The following TRPS1 variants were observed in gnomAD, a reference collection of about 807,000 sequenced individuals.
TRPS1 encodes zinc finger transcription factor Trps1.
TRPS1 carries 6 observed loss-of-function variants against 101.2 expected under a neutral mutation model. The ratio of observed to expected loss-of-function variants is 0.06; its 90% CI spans 0.03 to 0.12. TRPS1 has a LOEUF of 0.12. Among genes scored for constraint, TRPS1 ranks in the 10% least tolerant of loss-of-function variants. The pLI is 1.00. For missense variants in TRPS1, 1,363 were observed against 1,567.0 expected (o/e 0.87, Z 2.20); for synonymous variants, 578 against 589.8 (o/e 0.98, Z 0.29).
At chr8:115,442,401 T>G (rs1352498488) in intron 5 of TRPS1, among the ~76,000 whole-genome samples, 2 of 152,100 alleles carry the variant, frequency 1.3e-5, no homozygotes, top group South Asian at 2.1e-4. Context: ...GAAACTGCAG[T>G]GAGGTTGATA....
intron 5 of TRPS1, among the ~76,000 whole-genome samples, chr8:115,500,790 G>A (rs1815298191): frequency 6.6e-6 from 1 of 151,950 alleles, no homozygotes; most frequent in South Asian, 2.1e-4. Flanking sequence ...TAGCCAGATG[G>A]TCTCGATCTC....
Position 115,587,629 on chromosome 8 carries a change from G to A in TRPS1, c.2097-25C>T. ...CCTGGAGAAGAAGAAAACAGTTACT[G>A]CAAAGACAGCGTTCTGAAGGGTTGT... On this transcript the variant is annotated intron_variant, in intron 4 of 6. Coordinates refer to ENST00000395715, the MANE Select transcript of TRPS1 (RefSeq NM_014112.5). 3 of 1,613,644 alleles carry A rather than the reference G, an allele frequency of 1.9e-6. No homozygotes were observed. The South Asian group carries it at 3.3e-5, about 18-fold the overall frequency.
At chr8:115,661,739 A>G (rs1229165886) in intron 1 of TRPS1, 1 of 149,252 alleles carries the variant, frequency 6.7e-6, no homozygotes, top group African/African-American at 2.5e-5. Context: ...GCATATGCGC[A>G]ATTGATGGAT....
chr8:115,542,972 T>C (rs1816488316), intron 5 of TRPS1, among the ~76,000 whole-genome samples: 1 of 152,166 alleles, frequency 6.6e-6, no homozygotes, highest in Non-Finnish European at 1.5e-5. Flanking sequence ...TCACATTTTC[T>C]CTTTTATACT....
chr8:115,647,626 A>C (rs1288553510), intron 1 of TRPS1, among the ~76,000 whole-genome samples: 1 of 152,182 alleles, frequency 6.6e-6, no homozygotes, highest in East Asian at 1.9e-4. Flanking sequence ...TGTGTAAGTA[A>C]ATATACTTCA....
chr8:115,446,179 A>T (rs1056016472), intron 5 of TRPS1, among the ~76,000 whole-genome samples: 1 of 152,146 alleles, frequency 6.6e-6, no homozygotes, highest in Non-Finnish European at 1.5e-5. Flanking sequence ...AAATGTAAGG[A>T]TGTTTCCAGC....
rs1012627628 is a variant in TRPS1, at chr8:115,412,927, G to C, written c.*1096C>G. 6.6e-6 allele frequency: 1 copy of C among 152,456 alleles called. No individual in the cohort carries two copies. Among genetic ancestry groups the C allele is most frequent in the African/African-American group, 2.4e-5 (1 of 41,406 alleles). The allele number at this position is 152,456 out of a possible 1,614,324, so 9.4% of individuals were successfully genotyped here. ...CTGTATACATTTAATGAAGGGATTGGCTGGTACATATACCAACTGTCAGTC... is the reference window on the plus strand; with the variant it reads ...CTGTATACATTTAATGAAGGGATTGCCTGGTACATATACCAACTGTCAGTC... On this transcript the variant is annotated 3_prime_UTR_variant, in exon 7 of 7. Transcript: ENST00000395715.
intron 5 of TRPS1, among the ~76,000 whole-genome samples, chr8:115,474,489 A>G (rs1294413241): frequency 6.6e-6 from 1 of 152,162 alleles, no homozygotes; most frequent in East Asian, 1.9e-4. Flanking sequence ...ACTATTATAG[A>G]ACTGGGTTAT....
At chr8:115,488,033 T>C (rs1261078423) in intron 5 of TRPS1, among the ~76,000 whole-genome samples, 1 of 152,114 alleles carries the variant, frequency 6.6e-6, no homozygotes, top group Non-Finnish European at 1.5e-5. Flanking sequence ...GACTTCACTG[T>C]TGTCTTATTT....
chr8:115,492,498 CGTGT>C (rs1230604765), intron 5 of TRPS1, among the ~76,000 whole-genome samples: 1 of 141,580 alleles, frequency 7.1e-6, no homozygotes, highest in African/African-American at 2.5e-5. Flanking sequence ...TGTGCGTGTT[CGTGT>C]GTGTGTGTAT....
At position 115,604,988 on chromosome 8, in the gene TRPS1, T is replaced by G; in HGVS notation, c.981A>C (p.Gly327=). 6 of 1,613,584 alleles carry G rather than the reference T, an allele frequency of 3.7e-6. No homozygotes were observed. The highest frequency in any genetic ancestry group is 5.1e-6 in the Non-Finnish European group (6 of 1,179,902). Residue 327 remains glycine, a synonymous_variant, in exon 4 of 7, where the codon GGA becomes GGC. Coordinates refer to ENST00000395715, the MANE Select transcript of TRPS1 (RefSeq NM_014112.5). This position sits in a 1 kb window ranked among gnomAD's most constrained non-coding sequence, Gnocchi z 4.1. The part of the protein sequence containing the change: ...GTYDVQVTSG[G]TFIGIGRKTP... ...TTTTCCGTCCAATGCCAATGAATGT[T>G]CCACCTGAAGTCACCTGGAGAACAG...
intron 1 of TRPS1, among the ~76,000 whole-genome samples, chr8:115,629,135 G>A (rs551846684): frequency 1.2e-3 from 178 of 151,552 alleles, no homozygotes; most frequent in African/African-American, 4.0e-3. Flanking sequence ...TAAAGCACGC[G>A]TAGTTAAGGA....
At chr8:115,425,608 T>C (rs551056307) in intron 5 of TRPS1, among the ~76,000 whole-genome samples, 4 of 152,356 alleles carry the variant, frequency 2.6e-5, no homozygotes. Context: ...GCTGCTGTGC[T>C]AAACACATTA....
intron 5 of TRPS1, among the ~76,000 whole-genome samples, chr8:115,561,044 A>ATG (rs1816934107): frequency 6.6e-6 from 1 of 152,160 alleles, no homozygotes; most frequent in Non-Finnish European, 1.5e-5. Flanking sequence ...ATTAACATTA[A>ATG]TCATGGACTG....
At chr8:115,495,700 T>A (rs1409681002) in intron 5 of TRPS1, among the ~76,000 whole-genome samples, 2 of 149,250 alleles carry the variant, frequency 1.3e-5, no homozygotes, top group Non-Finnish European at 3.0e-5. Flanking sequence ...AAAAAAAAAA[T>A]GAAATCAAAG....
intron 5 of TRPS1, among the ~76,000 whole-genome samples, chr8:115,507,334 G>T (rs990562867): frequency 2.6e-5 from 4 of 151,942 alleles, no homozygotes; most frequent in African/African-American, 9.7e-5. Context: ...AACCATTCAG[G>T]GTCCCCAAAC....
intron 3 of TRPS1, among the ~76,000 whole-genome samples, chr8:115,617,052 G>A (rs1818291326): frequency 6.6e-6 from 1 of 152,124 alleles, no homozygotes; most frequent in Non-Finnish European, 1.5e-5. Context: ...ATTAGCATTC[G>A]ATCTACAAGT....
chr8:115,480,667 G>C (rs374353935), intron 5 of TRPS1, among the ~76,000 whole-genome samples: 25 of 152,014 alleles, frequency 1.6e-4, no homozygotes, highest in African/African-American at 5.5e-4. Flanking sequence ...ATTATATTCA[G>C]GGCCATTTTT....
rs573927770 is a variant in TRPS1, at chr8:115,435,770, C to T, written c.2701-17318G>A. Among the ~76,000 whole-genome samples the T allele has an allele frequency of 8.9e-4, 136 of 152,104 alleles. 2 individuals carry two copies. The highest frequency in any genetic ancestry group is 3.2e-3 in the Middle Eastern group (1 of 316). Reference sequence around the variant, plus strand: ...CTCAGGTGGTGGTTTTGAAAATCTACACTCACTTGATATAAGTTCTGGTAT... The same window carrying T: ...CTCAGGTGGTGGTTTTGAAAATCTATACTCACTTGATATAAGTTCTGGTAT... On this transcript the variant is annotated intron_variant, in intron 5 of 6. Transcript: ENST00000395715.
Sources: gnomAD v4.1 joint callset for allele counts (sites outside exome capture counted in the v4.1 genomes callset) on GRCh38, gnomAD v4.1.1 for gene constraint, Gnocchi (gnomAD v3.1) non-coding constraint, MANE v1.5 for transcripts, NCBI Gene and HGNC (gene_info 2026-07-23, HGNC 2026-07-21) for gene names.